The following GGCX variants were observed in gnomAD, a reference collection of about 807,000 sequenced individuals.
GGCX encodes vitamin K-dependent gamma-carboxylase.
Under a neutral mutation model 88.5 loss-of-function variants are expected in GGCX, and 63 were observed. The observed-to-expected ratio is 0.71, with a 90% CI of 0.58 to 0.88. The LOEUF (loss-of-function observed/expected upper bound fraction) is 0.88, where lower values mean the gene tolerates loss of function less well. GGCX is among the 40% of genes least tolerant of loss of function. GGCX has a pLI of 0.00. For missense variants in GGCX, 805 were observed against 932.9 expected (o/e 0.86, Z 1.79); for synonymous variants, 368 against 365.8 (o/e 1.01, Z -0.07).
At chr2:85,554,351 C>G (rs753943313) in intron 6 of GGCX, 45 bp from the exon 7 acceptor site, 1 of 1,559,766 alleles carries the variant, frequency 6.4e-7, no homozygotes, top group Non-Finnish European at 8.8e-7. Flanking sequence ...CACTGGAGAA[C>G]ACATCAAAGC....
At position 85,553,059 on chromosome 2, in the gene GGCX, G is replaced by C. The variant is rs768656689; in HGVS notation, c.1167C>G (p.Asn389Lys). ...YSHFLTQGYN[N>K]WTNGLYGYSW... The stretch of plus-strand genomic sequence containing the variant: ...AATAGCCATACAGCCCATTTGTCCA[G>C]TTGTTATAGCCCTGGGAAGGCAGCA... The change falls in exon 9 of 15, where the codon AAC (asparagine) becomes AAG (lysine). Residue 389 changes from asparagine to lysine, a missense_variant. Around this residue, in one of 3 missense-constraint regions of GGCX, gnomAD observed 680 missense variants for 763.7 expected, o/e 0.89. Transcript: ENST00000233838. The C allele has an allele frequency of 2.5e-6, 4 of 1,614,200 alleles. No individual in the cohort carries two copies. In the East Asian group the frequency reaches 8.9e-5, roughly 36 times the overall value.
In GGCX at chr2:85,549,921, C is replaced by T; in HGVS notation, c.*13G>A. 2 of 1,584,624 alleles carry T rather than the reference C, an allele frequency of 1.3e-6. No homozygotes were observed. The highest frequency in any genetic ancestry group is 1.1e-5 in the South Asian group (1 of 90,482). ...TGGCTGCTTCTACATCTGCACCCAACATCTGGCCCCCTTCAGAACTCTGAG... is the reference window on the plus strand; with the variant it reads ...TGGCTGCTTCTACATCTGCACCCAATATCTGGCCCCCTTCAGAACTCTGAG... On this transcript the variant is annotated 3_prime_UTR_variant, in exon 15 of 15. Coordinates refer to ENST00000233838, the MANE Select transcript of GGCX (RefSeq NM_000821.7).
intron 3 of GGCX, 63 bp downstream of exon 3, chr2:85,558,854 C>T: frequency 1.4e-6 from 2 of 1,470,642 alleles, no homozygotes; most frequent in Non-Finnish European, 1.9e-6. Flanking sequence ...TGACCATTCA[C>T]CAGCATGCTT....
Position 85,545,585 on chromosome 2 carries a change from A to G in GGCX, c.*4349T>C, listed in dbSNP as rs1266605109. The stretch of plus-strand genomic sequence containing the variant: ...GACCCAGTGGGTGGGCATTTTTTAA[A>G]AGCCTAAGCAAGATTTAGTCCTCCT... On this transcript the variant is annotated 3_prime_UTR_variant, in exon 15 of 15. Coordinates refer to ENST00000233838, the MANE Select transcript of GGCX (RefSeq NM_000821.7). 6.6e-6 allele frequency: 1 copy of G among 152,236 alleles called. No homozygotes were observed. The highest frequency in any genetic ancestry group is 1.5e-5 in the Non-Finnish European group (1 of 68,048). 9.4% of individuals were successfully genotyped at this position (152,236 alleles called of 1,614,324 possible). A position where few individuals can be genotyped will look rare whatever the true frequency, so the allele number is the denominator to read the frequency against.
intron 9 of GGCX, 98 bp downstream of exon 9, chr2:85,552,841 A>C: frequency 7.3e-7 from 1 of 1,371,266 alleles, no homozygotes; most frequent in Non-Finnish European, 1.0e-6. Context: ...AAGCAGACTC[A>C]AATTTGTTTT....
Position 85,558,440 on chromosome 2 carries a change from C to G in GGCX, c.539G>C (p.Trp180Ser). The change falls in exon 4 of 15, where the codon TGG becomes TCG. Residue 180 changes from tryptophan (W) to serine (S), a missense_variant and splice_region_variant. Around this residue, in one of 3 missense-constraint regions of GGCX, gnomAD observed 680 missense variants for 763.7 expected, o/e 0.89. Transcript: ENST00000233838. Reference protein sequence around the residue: ...QLTFMDANHYWSVDGLLNAHR... With the variant: ...QLTFMDANHYSSVDGLLNAHR... ...CCCCTTTGTCCCCCCTGACTCATACCAGTAGTGGTTTGCATCCATGAATGT... is the reference window on the plus strand; with the variant it reads ...CCCCTTTGTCCCCCCTGACTCATACGAGTAGTGGTTTGCATCCATGAATGT... The G allele has an allele frequency of 6.2e-7, 1 of 1,613,434 alleles. No homozygotes were observed.
chr2:85,558,982 A>G lies in GGCX; in HGVS notation c.308T>C (p.Leu103Ser), dbSNP rs1692320767. The change falls in exon 3 of 15, where the codon TTG becomes TCG. Residue 103 changes from leucine (L) to serine (S), a missense_variant. Physicochemically the swap from Leu to Ser is moderately radical, Grantham distance 145. Transcript: ENST00000233838. ...LDGLDVCRFPLLDALRPLPLD... is the reference protein window; with the variant it reads ...LDGLDVCRFPSLDALRPLPLD... Reference sequence around the variant, plus strand: ...TGGCAGTGGGCGTAGGGCATCCAGCAAGGGGAAGCGGCACACATCCAGCCC... The same window carrying G: ...TGGCAGTGGGCGTAGGGCATCCAGCGAGGGGAAGCGGCACACATCCAGCCC... 1 of 1,613,768 alleles carries G rather than the reference A, an allele frequency of 6.2e-7. No homozygotes were observed. Among genetic ancestry groups the G allele is most frequent in the Non-Finnish European group, 8.5e-7 (1 of 1,179,752 alleles).
At position 85,550,744 on chromosome 2, in the gene GGCX, CCT is replaced by C; in HGVS notation, c.1893_1894del (p.Gly632AlafsTer19). 1 of 1,613,654 alleles carries C rather than the reference CCT, an allele frequency of 6.2e-7. No individual in the cohort carries two copies. Among genetic ancestry groups the C allele is most frequent in the Non-Finnish European group, 8.5e-7 (1 of 1,179,950 alleles). ...AGGCTGCAGCTCTGGGGGTAGAGGCCCTGTTTCTGCCCGGAAGACAGAAAAAA... is the reference window on the plus strand; with the variant it reads ...AGGCTGCAGCTCTGGGGGTAGAGGCCGTTTCTGCCCGGAAGACAGAAAAAA... On this transcript the variant is annotated frameshift_variant, in exon 14 of 15. Transcript: ENST00000233838. LOFTEE classifies it high-confidence loss of function.
At chr2:85,557,561 C>G (rs958584367) in intron 4 of GGCX, among the ~76,000 whole-genome samples, 8 of 152,164 alleles carry the variant, frequency 5.3e-5, no homozygotes, top group Middle Eastern at 3.2e-3. Flanking sequence ...ATGATCAGAG[C>G]TGGCCATTCT....
intron 10 of GGCX, among the ~76,000 whole-genome samples, 187 bp from the exon 11 acceptor site, chr2:85,552,168 G>C (rs1691989640): frequency 6.6e-6 from 1 of 152,182 alleles, no homozygotes; most frequent in South Asian, 2.1e-4. Flanking sequence ...GGGTATAATG[G>C]GGGTTAGTAG....
intron 2 of GGCX, among the ~76,000 whole-genome samples, 198 bp from the exon 3 acceptor site, chr2:85,559,273 C>G (rs1443039757): frequency 1.3e-5 from 2 of 152,224 alleles, no homozygotes; most frequent in Non-Finnish European, 2.9e-5. Flanking sequence ...ACAGCCCCTG[C>G]AGCTCGGTTA....
At position 85,547,217 on chromosome 2, in the gene GGCX, A is replaced by G. The variant is rs1691712065; in HGVS notation, c.*2717T>C. The G allele has an allele frequency of 6.6e-6, 1 of 152,228 alleles. No individual in the cohort carries two copies. The highest frequency in any genetic ancestry group is 2.4e-5 in the African/African-American group (1 of 41,460). 9.4% of individuals were successfully genotyped at this position (152,228 alleles called of 1,614,324 possible). On this transcript the variant is annotated 3_prime_UTR_variant, in exon 15 of 15. Transcript: ENST00000233838. ...TGTCTTTAGGTTGAACATTCTGTAT[A>G]TAACCTGCCTTTCTAAAGTTTCAAA...
Position 85,550,115 on chromosome 2 carries a change from G to A in GGCX, c.2096C>T (p.Thr699Ile). The A allele has an allele frequency of 1.9e-6, 3 of 1,612,950 alleles. No individual in the cohort carries two copies. Among genetic ancestry groups the A allele is most frequent in the East Asian group, 2.2e-5 (1 of 44,878 alleles). Reference protein sequence around the residue: ...LYVFRRSFLMTCISLRNLILG... With the variant: ...LYVFRRSFLMICISLRNLILG... ...TATCAGATTTCGAAGTGAGATACAA[G>A]TCATCAGGAAGCTGAAAAACAGGAA... Residue 699 changes from threonine (T) to isoleucine (I), a missense_variant, in exon 15 of 15, where the codon ACT (threonine) becomes ATT (isoleucine). By Grantham distance (89) the Thr-to-Ile change is moderately conservative. Coordinates refer to ENST00000233838, the MANE Select transcript of GGCX (RefSeq NM_000821.7).
chr2:85,554,460 G>A (rs1370002211), intron 6 of GGCX, 154 bp from the exon 7 acceptor site: 20 of 651,848 alleles, frequency 3.1e-5, no homozygotes, highest in Non-Finnish European at 5.2e-5. Flanking sequence ...GTTGTTTGTT[G>A]TTGTTGTTGT....
At position 85,556,243 on chromosome 2, in the gene GGCX, A is replaced by C. The variant is rs773159229; in HGVS notation, c.557T>G (p.Leu186Arg). 6.2e-7 allele frequency: 1 copy of C among 1,610,264 alleles called. No homozygotes were observed. The highest frequency in any genetic ancestry group is 8.5e-7 in the Non-Finnish European group (1 of 1,177,338). The change falls in exon 5 of 15, where the codon CTG (leucine) becomes CGG (arginine). Residue 186 changes from leucine to arginine, a missense_variant. Coordinates refer to ENST00000233838, the MANE Select transcript of GGCX (RefSeq NM_000821.7). ...ANHYWSVDGL[L>R]NAHRRNAHVP... ...GTGGGCATTCCTCCTATGGGCATTC[A>C]GCAGACCGTCCACAGACCTACACCG...
chr2:85,553,906 G>A (rs1005712906), intron 7 of GGCX: 9 of 552,724 alleles, frequency 1.6e-5, no homozygotes, highest in Non-Finnish European at 2.9e-5. Flanking sequence ...CGGCCACAAA[G>A]TAGTTCTTAA....
rs768575290 is a variant in GGCX, at chr2:85,552,543, TC to T, written c.1311del (p.Trp437Ter). Reference protein sequence around the residue: ...NPGVFTQSRRWKDHADMLKQY... With the variant: ...NPGVFTQSRRXKDHADMLKQY... Reference sequence around the variant, plus strand: ...TGCTTCAGCATGTCTGCATGATCCTTCCATCGCCGACTCTGTGTAAATACCT... The same window carrying T: ...TGCTTCAGCATGTCTGCATGATCCTTCATCGCCGACTCTGTGTAAATACCT... On this transcript the variant is annotated frameshift_variant, in exon 10 of 15. Transcript: ENST00000233838. LOFTEE classifies it high-confidence loss of function. 1 of 1,613,864 alleles carries T rather than the reference TC, an allele frequency of 6.2e-7. No homozygotes were observed.
chr2:85,555,973 A>G (rs553364011), intron 5 of GGCX, among the ~76,000 whole-genome samples: 7 of 152,344 alleles, frequency 4.6e-5, no homozygotes, highest in Non-Finnish European at 7.3e-5. Flanking sequence ...TCTAGCAGGG[A>G]CAAAGCTCTA....
chr2:85,552,133 G>A, intron 10 of GGCX, 152 bp from the exon 11 acceptor site: 1 of 732,970 alleles, frequency 1.4e-6, no homozygotes, highest in Non-Finnish European at 2.4e-6. Flanking sequence ...GGCAGAGAAA[G>A]AAGGCAGAAG....
Sources: gnomAD v4.1 joint callset for allele counts (sites outside exome capture counted in the v4.1 genomes callset) on GRCh38, gnomAD v4.1.1 for gene constraint, gnomAD v4.1.1 regional missense constraint, MANE v1.5 for transcripts, NCBI Gene and HGNC (gene_info 2026-07-23, HGNC 2026-07-21) for gene names.